CD82: variants seen among roughly 807,000 people sequenced by gnomAD.
CD82 encodes the protein CD82 antigen.
CD82 carries 36 observed loss-of-function variants against 37.4 expected under a neutral mutation model. The observed-to-expected ratio is 0.96, with a 90% CI of 0.74 to 1.27. The LOEUF is 1.27. Among genes scored for constraint, CD82 ranks in the 50% most tolerant of loss-of-function variants. CD82 has a pLI of 0.00. For synonymous variants in CD82, 158 were observed against 137.4 expected (o/e 1.15, Z -1.05); for missense variants, 340 against 347.0 (o/e 0.98, Z 0.16).
intron 1 of CD82, among the ~76,000 whole-genome samples, chr11:44,579,892 TG>T (rs1368436938): frequency 6.6e-6 from 1 of 152,194 alleles, no homozygotes; most frequent in Non-Finnish European, 1.5e-5. Context: ...GCCTGTGGGC[TG>T]GGTGAGGTTG....
chr11:44,598,872 G>A (rs749398121), intron 3 of CD82, among the ~76,000 whole-genome samples: 27 of 152,248 alleles, frequency 1.8e-4, no homozygotes, highest in Admixed American at 3.3e-4. Flanking sequence ...CTGTGATACA[G>A]GTGGGAGTTT....
chr11:44,566,725 C>T lies in CD82; in HGVS notation c.-103+989C>T, dbSNP rs558538166. Reference sequence around the variant, plus strand: ...GCAAGGTGCCAGGAAACCAGTGAGACCTCCCTCTGTGACAGCTGCTTTGAT... The same window carrying T: ...GCAAGGTGCCAGGAAACCAGTGAGATCTCCCTCTGTGACAGCTGCTTTGAT... On this transcript the variant is annotated intron_variant, in intron 1 of 9. Transcript: ENST00000227155. 2.0e-5 allele frequency among the ~76,000 whole-genome samples: 3 copies of T among 152,310 alleles called. No homozygotes were observed. In the South Asian group the frequency reaches 6.2e-4, roughly 32 times the overall value.
chr11:44,572,810 T>C (rs10838308), intron 1 of CD82, among the ~76,000 whole-genome samples: 85,618 of 152,112 alleles, frequency 0.56, 24,878 homozygotes, highest in African/African-American at 0.65. Context: ...GCTAAACACA[T>C]ATTGAATATG....
At chr11:44,595,908 C>CAA (rs71449886) in intron 3 of CD82, among the ~76,000 whole-genome samples, 2,121 of 69,414 alleles carry the variant, frequency 0.031, 117 homozygotes, top group African/African-American at 0.068. Flanking sequence ...TGTTTCTCTA[C>CAA]AAAAAAAAAA....
At chr11:44,607,530 C>T (rs149857462) in intron 6 of CD82, among the ~76,000 whole-genome samples, 13 of 152,170 alleles carry the variant, frequency 8.5e-5, no homozygotes, top group African/African-American at 2.9e-4. Flanking sequence ...AGAAGCTGGT[C>T]GCCTCTGCAG....
intron 4 of CD82, among the ~76,000 whole-genome samples, chr11:44,601,291 C>CG: frequency 6.6e-6 from 1 of 152,234 alleles, no homozygotes; most frequent in East Asian, 1.9e-4. Flanking sequence ...ATCTGTCCCC[C>CG]TGGCCCCAGG....
chr11:44,605,319 C>T (rs765407843), intron 5 of CD82, 36 bp from the exon 6 acceptor site: 2 of 1,613,164 alleles, frequency 1.2e-6, no homozygotes, highest in East Asian at 4.5e-5. Context: ...TGGTCGGGGA[C>T]CCTCAGCTGA....
chr11:44,592,640 C>A (rs1426313221), intron 2 of CD82, among the ~76,000 whole-genome samples: 5 of 152,184 alleles, frequency 3.3e-5, no homozygotes, highest in African/African-American at 1.2e-4. Context: ...GTAGTGCAGA[C>A]TCCCAGGAGG....
intron 3 of CD82, among the ~76,000 whole-genome samples, chr11:44,598,171 T>A (rs1185156419): frequency 6.6e-6 from 1 of 151,960 alleles, no homozygotes; most frequent in Non-Finnish European, 1.5e-5. Context: ...CAGTGATGAT[T>A]CTGGTGGGAG....
chr11:44,587,724 G>C (rs909299566), intron 2 of CD82, 168 bp downstream of exon 2: 1 of 400,826 alleles, frequency 2.5e-6, no homozygotes, highest in Non-Finnish European at 5.1e-6. Flanking sequence ...TAGAGTCCTG[G>C]AGTGCTGGTC....
chr11:44,585,981 C>T (rs558708095), intron 1 of CD82, among the ~76,000 whole-genome samples: 293 of 152,276 alleles, frequency 1.9e-3, no homozygotes, highest in African/African-American at 6.5e-3. Flanking sequence ...GACACTTTTT[C>T]GGATGCCAGA....
At chr11:44,600,653 C>T (rs1285476303) in intron 4 of CD82, among the ~76,000 whole-genome samples, 3 of 152,326 alleles carry the variant, frequency 2.0e-5, no homozygotes, top group African/African-American at 4.8e-5. Context: ...AGTGGTGCTT[C>T]GCTATAAGCC....
At chr11:44,593,144 A>T (rs746163043) in intron 2 of CD82, among the ~76,000 whole-genome samples, 2 of 152,222 alleles carry the variant, frequency 1.3e-5, no homozygotes, top group African/African-American at 4.8e-5. Context: ...CCACTTGACA[A>T]GGAGGATGGA....
At chr11:44,593,639 G>A (rs994506964) in intron 2 of CD82, among the ~76,000 whole-genome samples, 3 of 152,190 alleles carry the variant, frequency 2.0e-5, no homozygotes, top group African/African-American at 7.2e-5. Flanking sequence ...GGGAGACTGT[G>A]AAAACTTGGA....
rs1160449717 is a variant in CD82, at chr11:44,597,311, T to C, written c.63+2586T>C. Reference sequence around the variant, plus strand: ...TATGCTGGGGAAGGACGCTCACTGCTCTGAGGGTCCTGGCTCCTGATGGGT... The same window carrying C: ...TATGCTGGGGAAGGACGCTCACTGCCCTGAGGGTCCTGGCTCCTGATGGGT... On this transcript the variant is annotated intron_variant, in intron 3 of 9. Coordinates refer to ENST00000227155, the MANE Select transcript of CD82 (RefSeq NM_002231.4). The surrounding 1 kb of genome is among the most constrained non-coding windows in gnomAD (Gnocchi z 4.1). Among the ~76,000 whole-genome samples, 1 of 152,170 alleles carries C rather than the reference T, an allele frequency of 6.6e-6. No individual in the cohort carries two copies. The highest frequency in any genetic ancestry group is 1.5e-5 in the Non-Finnish European group (1 of 68,022).
At chr11:44,592,706 G>A (rs577158336) in intron 2 of CD82, among the ~76,000 whole-genome samples, 178 of 152,284 alleles carry the variant, frequency 1.2e-3, no homozygotes, top group African/African-American at 4.0e-3. Flanking sequence ...TCCTGGGCAC[G>A]GGGAAGTCAT....
chr11:44,605,804 G>A (rs1006850255), intron 6 of CD82, among the ~76,000 whole-genome samples: 1 of 152,194 alleles, frequency 6.6e-6, no homozygotes, highest in Admixed American at 6.5e-5. Flanking sequence ...CATAGCGCAT[G>A]GCACCATAAG....
intron 1 of CD82, among the ~76,000 whole-genome samples, chr11:44,578,155 G>T (rs1339938595): frequency 6.6e-6 from 1 of 152,144 alleles, no homozygotes; most frequent in Non-Finnish European, 1.5e-5. Context: ...GCCAGTGGCT[G>T]CTTATTTACA....
intron 7 of CD82, among the ~76,000 whole-genome samples, chr11:44,617,560 G>GAAAAAAA (rs35015542): frequency 1.1e-5 from 1 of 88,656 alleles, no homozygotes; most frequent in Non-Finnish European, 2.1e-5. Flanking sequence ...CTCTGTCTCA[G>GAAAAAAA]AAAAAAAAAA....
Sources: gnomAD v4.1 joint callset for allele counts (sites outside exome capture counted in the v4.1 genomes callset) on GRCh38, gnomAD v4.1.1 for gene constraint, Gnocchi (gnomAD v3.1) non-coding constraint, MANE v1.5 for transcripts, NCBI Gene and HGNC (gene_info 2026-07-23, HGNC 2026-07-21) for gene names.